The following ZC3H4 variants were observed in gnomAD, a reference collection of about 807,000 sequenced individuals.
ZC3H4 encodes zinc finger CCCH-type containing 4.
ZC3H4 carries 13 observed loss-of-function variants against 108.3 expected under a neutral mutation model. The ratio of observed to expected loss-of-function variants is 0.12; its 90% CI spans 0.08 to 0.19. The LOEUF (loss-of-function observed/expected upper bound fraction) is 0.19, where lower values mean the gene tolerates loss of function less well. Among genes scored for constraint, ZC3H4 ranks in the 10% least tolerant of loss-of-function variants. The pLI is 1.00. For missense variants in ZC3H4, 1,734 were observed against 1,838.8 expected (o/e 0.94, Z 1.04); for synonymous variants, 917 against 749.6 (o/e 1.22, Z -3.65).
chr19:47,093,944 C>A, intron 4 of ZC3H4, 26 bp downstream of exon 4: 1 of 1,593,102 alleles, frequency 6.3e-7, no homozygotes, highest in Non-Finnish European at 8.6e-7. Context: ...GGCCCCAGAG[C>A]TCAGCAGTGC....
chr19:47,067,285 C>G lies in ZC3H4; in HGVS notation c.2983G>C (p.Val995Leu). 1.9e-6 allele frequency: 3 copies of G among 1,589,662 alleles called. No homozygotes were observed. Among genetic ancestry groups the G allele is most frequent in the Non-Finnish European group, 2.6e-6 (3 of 1,167,270 alleles). ...TGCAGGGCCGCGGGCACGGGGGGCA[C>G]TGCGTCCTGCTTGGGGATGGGTAGG... ...IPLPIPKQDA[V>L]PPVPAALQSM... is the part of the protein sequence containing the mutation. The change falls in exon 15 of 15, where the codon GTG (valine) becomes CTG (leucine). Residue 995 changes from valine to leucine, a missense_variant. Physicochemically the swap from Val to Leu is conservative, Grantham distance 32. This residue lies in a region of ZC3H4 where 518 missense variants were observed against 499.6 expected (regional missense o/e 1.04). Transcript: ENST00000253048. The surrounding 1 kb of genome is among the most constrained non-coding windows in gnomAD (Gnocchi z 6.4).
chr19:47,065,935 A>G lies in ZC3H4; in HGVS notation c.*421T>C. ...CTTGGTTCCGGGTCTCTTCGGGCAC[A>G]GGGTGAGGAGCGTTCAATACCTTCC... On this transcript the variant is annotated 3_prime_UTR_variant, in exon 15 of 15. Transcript: ENST00000253048. 6.3e-6 allele frequency: 1 copy of G among 158,510 alleles called. No individual in the cohort carries two copies. Among genetic ancestry groups the G allele is most frequent in the Non-Finnish European group, 1.4e-5 (1 of 72,598 alleles). The allele number at this position is 158,510 out of a possible 1,614,324, so 9.8% of individuals were successfully genotyped here.
At chr19:47,095,968 G>A (rs2057813876) in intron 2 of ZC3H4, among the ~76,000 whole-genome samples, 1 of 152,138 alleles carries the variant, frequency 6.6e-6, no homozygotes, top group African/African-American at 2.4e-5. Context: ...CTGCCCAAGC[G>A]GGAGCCAATG....
chr19:47,108,752 C>T (rs1186002290), intron 2 of ZC3H4, among the ~76,000 whole-genome samples: 1 of 152,182 alleles, frequency 6.6e-6, no homozygotes, highest in African/African-American at 2.4e-5. Flanking sequence ...TTAGAGAAAA[C>T]TATGGCTTAT....
At chr19:47,082,434 G>T in intron 9 of ZC3H4, 139 bp from the exon 10 acceptor site, 1 of 682,264 alleles carries the variant, frequency 1.5e-6, no homozygotes, top group Non-Finnish European at 2.6e-6. Context: ...AGGAAAGGAA[G>T]ACAGGTGTAG....
At position 47,067,397 on chromosome 19, in the gene ZC3H4, C is replaced by T; in HGVS notation, c.2871G>A (p.Gln957=). Residue 957 remains glutamine (Q), a synonymous_variant, in exon 15 of 15, where the codon CAG becomes CAA. Transcript: ENST00000253048. The surrounding 1 kb of genome is among the most constrained non-coding windows in gnomAD (Gnocchi z 6.4). ...HPLRDPRSQL[Q]QFSHIKKDVT... is the part of the protein sequence containing the mutation. ...CGTCCTTCTTGATGTGGCTGAACTG[C>T]TGCAGCTGTGACCGTGGGTCCCGCA... 1 of 1,609,238 alleles carries T rather than the reference C, an allele frequency of 6.2e-7. No individual in the cohort carries two copies.
In ZC3H4 at chr19:47,070,903, C is replaced by T. The variant is rs189712658; in HGVS notation, c.2146+875G>A. ...ACGGCACCGTGTCCAAACCTCGAAGCCCTGCCTTGCACTCCAGTGGCCGCC... is the reference window on the plus strand; with the variant it reads ...ACGGCACCGTGTCCAAACCTCGAAGTCCTGCCTTGCACTCCAGTGGCCGCC... On this transcript the variant is annotated intron_variant, in intron 13 of 14. Coordinates refer to ENST00000253048, the MANE Select transcript of ZC3H4 (RefSeq NM_015168.2). Among the ~76,000 whole-genome samples the T allele has an allele frequency of 4.5e-4, 68 of 152,306 alleles. 1 individual carries two copies. Among genetic ancestry groups the T allele is most frequent in the Admixed American group, 2.0e-3 (30 of 15,304 alleles).
Position 47,081,532 on chromosome 19 carries a change from G to A in ZC3H4, c.1421C>T (p.Thr474Met), listed in dbSNP as rs751827594. ...CATTACCTTATCCAAGAGCTCCCTC[G>A]TCTCTTCGGTCAGAGGGTCGTGGGA... ...MFSHDPLTEE[T>M]RELLDKMLAD... Residue 474 changes from threonine (T) to methionine (M), a missense_variant, in exon 11 of 15, where the codon ACG becomes ATG. Thr to Met is a moderately conservative substitution (Grantham distance 81, BLOSUM62 -1). Coordinates refer to ENST00000253048, the MANE Select transcript of ZC3H4 (RefSeq NM_015168.2). 9.9e-6 allele frequency: 16 copies of A among 1,614,062 alleles called. No individual in the cohort carries two copies. Among genetic ancestry groups the A allele is most frequent in the Non-Finnish European group, 1.2e-5 (14 of 1,180,006 alleles).
At chr19:47,076,656 C>T in intron 11 of ZC3H4, among the ~76,000 whole-genome samples, 1 of 152,018 alleles carries the variant, frequency 6.6e-6, no homozygotes, top group East Asian at 1.9e-4. Context: ...GAGTTCAAGA[C>T]CAGCCTGACC....
At chr19:47,099,813 C>G (rs1332713966) in intron 2 of ZC3H4, among the ~76,000 whole-genome samples, 1 of 75,130 alleles carries the variant, frequency 1.3e-5, no homozygotes, top group Non-Finnish European at 2.5e-5. Context: ...ACCTGGTTTA[C>G]AAGAGTTTAA....
chr19:47,077,861 C>CAA (rs767129835), intron 11 of ZC3H4, among the ~76,000 whole-genome samples: 1,019 of 72,298 alleles, frequency 0.014, 10 homozygotes, highest in African/African-American at 0.039. Flanking sequence ...CCGTCTCAAA[C>CAA]AAAAAAAAAA....
In ZC3H4 at chr19:47,067,298, G is replaced by A; in HGVS notation, c.2970C>T (p.Pro990=). ...GCACGGGGGGCACTGCGTCCTGCTTGGGGATGGGTAGGGGGATCAGGTCCT... is the reference window on the plus strand; with the variant it reads ...GCACGGGGGGCACTGCGTCCTGCTTAGGGATGGGTAGGGGGATCAGGTCCT... ...NPEDLIPLPI[P]KQDAVPPVPA... Residue 990 remains proline (P), a synonymous_variant, in exon 15 of 15, where the codon CCC becomes CCT. Coordinates refer to ENST00000253048, the MANE Select transcript of ZC3H4 (RefSeq NM_015168.2). This position sits in a 1 kb window ranked among gnomAD's most constrained non-coding sequence, Gnocchi z 6.4. 6.3e-7 allele frequency: 1 copy of A among 1,591,774 alleles called. No homozygotes were observed. The highest frequency in any genetic ancestry group is 8.6e-7 in the Non-Finnish European group (1 of 1,168,174).
At position 47,072,091 on chromosome 19, in the gene ZC3H4, T is replaced by G; in HGVS notation, c.1833A>C (p.Pro611=). 2 of 1,557,458 alleles carry G rather than the reference T, an allele frequency of 1.3e-6. No individual in the cohort carries two copies. The highest frequency in any genetic ancestry group is 8.7e-7 in the Non-Finnish European group (1 of 1,155,030). ...GTCCCATGTTGGGCCCAGGGCCCAT[T>G]GGCCCTGGGGGTCCACCGGGTCCAG... ...RFPGPGGPPG[P]MGPGPNMGPP... is the part of the protein sequence containing the mutation. The change falls in exon 13 of 15, where the codon CCA becomes CCC. Residue 611 remains proline (P), a synonymous_variant. Transcript: ENST00000253048. The surrounding 1 kb of genome is among the most constrained non-coding windows in gnomAD (Gnocchi z 5.6).
chr19:47,083,090 G>A (rs2057552682), intron 9 of ZC3H4, among the ~76,000 whole-genome samples: 1 of 151,740 alleles, frequency 6.6e-6, no homozygotes, highest in African/African-American at 2.4e-5. Flanking sequence ...TGTCGCCCAG[G>A]CTGGAGTGCA....
intron 2 of ZC3H4, among the ~76,000 whole-genome samples, chr19:47,109,080 G>A (rs2058003346): frequency 1.3e-5 from 2 of 152,068 alleles, no homozygotes; most frequent in South Asian, 4.1e-4. Flanking sequence ...CAGGGATTCT[G>A]AGTGACACCC....
At chr19:47,076,410 C>T (rs548215300) in intron 11 of ZC3H4, among the ~76,000 whole-genome samples, 11 of 152,260 alleles carry the variant, frequency 7.2e-5, no homozygotes, top group African/African-American at 2.6e-4. Context: ...AAAAGCAAAA[C>T]CAAAAGACAG....
Position 47,066,174 on chromosome 19 carries a change from A to G in ZC3H4, c.*182T>C. ...CCAGAACTTAAGATGGTTATATACA[A>G]TTTACAAATCTCAAAGAAAGTACTA... On this transcript the variant is annotated 3_prime_UTR_variant, in exon 15 of 15. Transcript: ENST00000253048. The G allele has an allele frequency of 1.8e-6, 1 of 543,712 alleles. No individual in the cohort carries two copies. Among genetic ancestry groups the G allele is most frequent in the South Asian group, 3.3e-5 (1 of 29,878 alleles). 33.7% of individuals were successfully genotyped at this position (543,712 alleles called of 1,614,324 possible). A position where few individuals can be genotyped will look rare whatever the true frequency, so the allele number is the denominator to read the frequency against.
intron 9 of ZC3H4, 79 bp downstream of exon 9, chr19:47,084,266 G>A: frequency 1.4e-6 from 2 of 1,390,606 alleles, no homozygotes; most frequent in Non-Finnish European, 2.0e-6. Context: ...CCTCACCACG[G>A]CTCCAGAACC....
At chr19:47,101,421 T>C (rs1219068580) in intron 2 of ZC3H4, among the ~76,000 whole-genome samples, 1 of 151,960 alleles carries the variant, frequency 6.6e-6, no homozygotes, top group Non-Finnish European at 1.5e-5. Flanking sequence ...GGTCTCTCTA[T>C]GTTGCCCAGG....
Sources: allele counts gnomAD v4.1 joint callset (sites outside exome capture counted in the v4.1 genomes callset), GRCh38; gene constraint gnomAD v4.1.1; regional missense constraint gnomAD v4.1.1; non-coding constraint Gnocchi (gnomAD v3.1); transcripts MANE v1.5; gene names NCBI Gene and HGNC (gene_info 2026-07-23, HGNC 2026-07-21).